Variants in MRO observed in about 807,000 individuals in gnomAD.
MRO encodes the protein protein maestro.
Under a neutral mutation model 31.0 loss-of-function variants are expected in MRO, and 28 were observed. The ratio of observed to expected loss-of-function variants is 0.90; its 90% CI spans 0.67 to 1.24. The LOEUF is 1.24. Ranked by LOEUF, MRO falls within the 50% of genes most tolerant of loss-of-function variation. MRO has a pLI of 0.00. For missense variants in MRO, 332 were observed against 289.2 expected, an observed-to-expected ratio of 1.15 and a Z score of -1.07; for synonymous variants, 108 against 108.4, an observed-to-expected ratio of 1.00 and a Z score of 0.02.
At chr18:50,801,786 A>C (rs1377427327) in intron 5 of MRO, among the ~76,000 whole-genome samples, 1 of 152,140 alleles carries the variant, frequency 6.6e-6, no homozygotes, top group African/African-American at 2.4e-5. Flanking sequence ...TGCTACTCCC[A>C]CCTTCCCAGA....
chr18:50,801,313 G>T (rs1568124790), intron 6 of MRO, 36 bp downstream of exon 6: 2 of 1,522,956 alleles, frequency 1.3e-6, no homozygotes, highest in Non-Finnish European at 1.8e-6. Flanking sequence ...ATAGCATGGA[G>T]ATGTCACTCT....
rs551050903 is a variant in MRO, at chr18:50,798,585, A to G, written c.*752T>C. 6.6e-6 allele frequency: 1 copy of G among 152,318 alleles called. No individual in the cohort carries two copies. The highest frequency in any genetic ancestry group is 2.1e-4 in the South Asian group (1 of 4,828). The allele number at this position is 152,318 out of a possible 1,614,324, so 9.4% of individuals were successfully genotyped here. On this transcript the variant is annotated 3_prime_UTR_variant, in exon 8 of 8. Transcript: ENST00000398439. ...TCTATAAAATGAGAACAATAATAAT[A>G]CTTACTATCTCAGGGTTGTCGCAAG...
intron 5 of MRO, among the ~76,000 whole-genome samples, chr18:50,803,630 C>T (rs1432811636): frequency 1.3e-5 from 2 of 152,236 alleles, no homozygotes; most frequent in Non-Finnish European, 2.9e-5. Flanking sequence ...AAGTAGGGAC[C>T]TTCGCCCGCT....
At chr18:50,803,213 T>TA (rs568389228) in intron 5 of MRO, among the ~76,000 whole-genome samples, 66 of 152,068 alleles carry the variant, frequency 4.3e-4, no homozygotes, top group Admixed American at 1.5e-3. Context: ...AACCAGGGTT[T>TA]AAAAAAATGG....
chr18:50,819,661 C>G lies in MRO; in HGVS notation c.-85G>C. 2 of 1,551,376 alleles carry G rather than the reference C, an allele frequency of 1.3e-6. No individual in the cohort carries two copies. The highest frequency in any genetic ancestry group is 1.7e-6 in the Non-Finnish European group (2 of 1,146,842). On this transcript the variant is annotated 5_prime_UTR_variant, in exon 2 of 8. Coordinates refer to ENST00000398439, the MANE Select transcript of MRO (RefSeq NM_031939.6). ...GGAGGGCTGCTTTCCCGGGTAGTAGCCAAATGTGATGACTCGGCTAAATTT... is the reference window on the plus strand; with the variant it reads ...GGAGGGCTGCTTTCCCGGGTAGTAGGCAAATGTGATGACTCGGCTAAATTT...
intron 3 of MRO, 36 bp downstream of exon 3, chr18:50,809,266 G>A (rs754675553): frequency 6.6e-7 from 1 of 1,525,712 alleles, no homozygotes; most frequent in South Asian, 1.1e-5. Flanking sequence ...ACAGCTGCTG[G>A]GAGGAGAAAT....
upstream of MRO, among the ~76,000 whole-genome samples, chr18:50,824,867 G>A (rs1284732872): frequency 6.6e-6 from 1 of 150,782 alleles, no homozygotes; most frequent in Non-Finnish European, 1.5e-5. Context: ...CTGAGGTCAG[G>A]AGTTCAAGAC....
intron 2 of MRO, among the ~76,000 whole-genome samples, chr18:50,817,081 A>G (rs1914989751): frequency 1.3e-5 from 2 of 152,210 alleles, no homozygotes; most frequent in South Asian, 2.1e-4. Flanking sequence ...TCATGCTCCC[A>G]TGCACGGCAA....
chr18:50,813,323 C>T (rs555809955), intron 2 of MRO, among the ~76,000 whole-genome samples: 1 of 152,332 alleles, frequency 6.6e-6, no homozygotes, highest in South Asian at 2.1e-4. Flanking sequence ...AAACTGCACC[C>T]CCACCAATTA....
intron 2 of MRO, among the ~76,000 whole-genome samples, chr18:50,812,881 A>G (rs1914587147): frequency 6.6e-6 from 1 of 152,160 alleles, no homozygotes; most frequent in Non-Finnish European, 1.5e-5. Context: ...AGACCCAGGC[A>G]TCAGTATTTT....
intron 3 of MRO, among the ~76,000 whole-genome samples, chr18:50,808,848 G>T (rs1431863029): frequency 6.6e-6 from 1 of 151,444 alleles, no homozygotes; most frequent in Non-Finnish European, 1.5e-5. Flanking sequence ...CATGTTAAAA[G>T]AACTGTCGGC....
In MRO at chr18:50,811,045, T is replaced by C. The variant is rs961604733; in HGVS notation, c.-4-1641A>G. On this transcript the variant is annotated intron_variant, in intron 2 of 7. Transcript: ENST00000398439. ...GCAGAGGCAGAGCGTATATGACACA[T>C]TGGGAGTCAACGGGATCCCATGCAG... Among the ~76,000 whole-genome samples, 20 of 152,168 alleles carry C rather than the reference T, an allele frequency of 1.3e-4. 1 individual carries two copies. The highest frequency in any genetic ancestry group is 4.6e-4 in the African/African-American group (19 of 41,512).
intron 2 of MRO, among the ~76,000 whole-genome samples, chr18:50,812,524 A>G (rs1388249487): frequency 2.0e-5 from 3 of 152,098 alleles, no homozygotes; most frequent in African/African-American, 7.2e-5. Context: ...ATGAAGTCCA[A>G]TTTGTCTATT....
intron 3 of MRO, 37 bp from the exon 4 acceptor site, chr18:50,806,887 G>T: frequency 1.2e-6 from 2 of 1,607,882 alleles, no homozygotes; most frequent in Non-Finnish European, 1.7e-6. Context: ...ATTTGGGAGT[G>T]TTCAGAGTCA....
chr18:50,803,207 A>T (rs1490778378), intron 5 of MRO, among the ~76,000 whole-genome samples: 1 of 152,126 alleles, frequency 6.6e-6, no homozygotes, highest in East Asian at 1.9e-4. Flanking sequence ...CCAGGCAACC[A>T]GGGTTTAAAA....
At chr18:50,801,826 A>G (rs1416633275) in intron 5 of MRO, among the ~76,000 whole-genome samples, 1 of 152,100 alleles carries the variant, frequency 6.6e-6, no homozygotes, top group African/African-American at 2.4e-5. Context: ...TGTTTTGGAG[A>G]TAGAATACAT....
upstream of MRO, among the ~76,000 whole-genome samples, chr18:50,824,714 A>C (rs1915445144): frequency 6.8e-6 from 1 of 147,748 alleles, no homozygotes; most frequent in South Asian, 2.3e-4. Context: ...TCGGCCTCCC[A>C]AAGTGTTGGG....
intron 5 of MRO, among the ~76,000 whole-genome samples, chr18:50,804,817 G>A (rs776817812): frequency 6.6e-5 from 10 of 151,878 alleles, no homozygotes; most frequent in Non-Finnish European, 1.5e-4. Context: ...ATTTGAGAGG[G>A]AGTCTTGCTC....
chr18:50,802,904 A>AG (rs1555667860), intron 5 of MRO, among the ~76,000 whole-genome samples: 49 of 147,854 alleles, frequency 3.3e-4, no homozygotes, highest in African/African-American at 1.0e-3. Context: ...GTGTTTGTGT[A>AG]TGTGTGTGTG....
Sources: gnomAD v4.1 joint callset for allele counts (sites outside exome capture counted in the v4.1 genomes callset) on GRCh38, gnomAD v4.1.1 for gene constraint, MANE v1.5 for transcripts, NCBI Gene and HGNC (gene_info 2026-07-23, HGNC 2026-07-21) for gene names.